The following ABHD10 variants were observed in gnomAD, a reference collection of about 807,000 sequenced individuals.
ABHD10 encodes palmitoyl-protein thioesterase ABHD10, mitochondrial.
In ABHD10, 22 loss-of-function variants were observed where a neutral mutation model predicts 33.1. The observed-to-expected ratio is 0.66, with a 90% CI of 0.47 to 0.95. ABHD10 has a LOEUF of 0.95. Among genes scored for constraint, ABHD10 ranks in the 40% least tolerant of loss-of-function variants. The probability of loss-of-function intolerance (pLI) is 0.00; values close to 1 mark genes in which losing one functional copy is unlikely to be tolerated. For missense variants in ABHD10, 352 were observed against 379.9 expected (o/e 0.93, Z 0.61); for synonymous variants, 146 against 133.9 (o/e 1.09, Z -0.62).
At chr3:111,984,802 C>A (rs1410307139) in intron 2 of ABHD10, among the ~76,000 whole-genome samples, 5 of 152,116 alleles carry the variant, frequency 3.3e-5, no homozygotes, top group Non-Finnish European at 7.4e-5. Context: ...CTGTGATAGT[C>A]TAGGTCTAAG....
rs1647508008 is a variant in ABHD10 at position 111,992,175 on chromosome 3, A to C, written c.*454A>C. ...AAATTTGAAATGATGGAGAAATTTC[A>C]GAAGCATAATAAAGTTCACAATAAG... is the stretch of plus-strand genomic sequence containing the variant. On this transcript the variant is annotated 3_prime_UTR_variant, in exon 5 of 5. Coordinates refer to ENST00000273359, the MANE Select transcript of ABHD10 (RefSeq NM_018394.4). The C allele has an allele frequency of 6.5e-6, 1 of 153,644 alleles. No individual in the cohort carries two copies. 9.5% of individuals were successfully genotyped at this position (153,644 alleles called of 1,614,324 possible).
intron 1 of ABHD10, among the ~76,000 whole-genome samples, chr3:111,979,927 A>T (rs2072559085): frequency 6.6e-6 from 1 of 152,242 alleles, no homozygotes; most frequent in Non-Finnish European, 1.5e-5. Flanking sequence ...AAACTTTTAT[A>T]ATCAGATTAA....
Position 111,979,191 on chromosome 3 carries a change from C to T in ABHD10, c.130C>T (p.Arg44Trp). 6.2e-7 allele frequency: 1 copy of T among 1,604,190 alleles called. No individual in the cohort carries two copies. Among genetic ancestry groups the T allele is most frequent in the Non-Finnish European group, 8.5e-7 (1 of 1,173,546 alleles). ...LLARIPQRAP[R>W]WLPACRQKTS... ...TGCACGGATACCTCAGCGGGCGCCACGGTGGCTCCCAGGTCAGTGTCCGAA... is the reference window on the plus strand; with the variant it reads ...TGCACGGATACCTCAGCGGGCGCCATGGTGGCTCCCAGGTCAGTGTCCGAA... Residue 44 changes from arginine (R) to tryptophan (W), a missense_variant, in exon 1 of 5, where the codon CGG becomes TGG. Physicochemically the swap from Arg to Trp is moderately radical, Grantham distance 101. Transcript: ENST00000273359.
intron 4 of ABHD10, chr3:111,990,616 A>G (rs986483550): frequency 1.6e-5 from 8 of 495,874 alleles, no homozygotes; most frequent in African/African-American, 1.4e-4. Flanking sequence ...ATAAATATAC[A>G]GATATTATTG....
chr3:111,983,998 G>A (rs530721055), intron 2 of ABHD10, among the ~76,000 whole-genome samples: 2 of 152,160 alleles, frequency 1.3e-5, no homozygotes, highest in South Asian at 2.1e-4. Context: ...GTATCACCAA[G>A]TATTTATATT....
Position 111,991,639 on chromosome 3 carries a change from G to T in ABHD10, c.839G>T (p.Arg280Leu), listed in dbSNP as rs761023898. ...ATCCTCCGAAAACACAGTGATCACCGAATGAGGGAAAAAGCAGACATTCAA... is the reference window on the plus strand; with the variant it reads ...ATCCTCCGAAAACACAGTGATCACCTAATGAGGGAAAAAGCAGACATTCAA... Reference protein sequence around the residue: ...DVILRKHSDHRMREKADIQLL... With the variant: ...DVILRKHSDHLMREKADIQLL... The change falls in exon 5 of 5, where the codon CGA becomes CTA. Residue 280 changes from arginine to leucine, a missense_variant. Arg to Leu is a moderately radical substitution (Grantham distance 102, BLOSUM62 -2). Coordinates refer to ENST00000273359, the MANE Select transcript of ABHD10 (RefSeq NM_018394.4). 1 of 1,613,804 alleles carries T rather than the reference G, an allele frequency of 6.2e-7. No individual in the cohort carries two copies. The highest frequency in any genetic ancestry group is 1.7e-5 in the Admixed American group (1 of 59,950).
Position 111,992,716 on chromosome 3 carries a change from GACA to G in ABHD10, c.*999_*1001del, listed in dbSNP as rs1164408526. The stretch of plus-strand genomic sequence containing the variant: ...TATTATCTGTCAAACCTTTTAAGTT[GACA>G]ACATGACTCATATATATACATGTGT... On this transcript the variant is annotated 3_prime_UTR_variant, in exon 5 of 5. Coordinates refer to ENST00000273359, the MANE Select transcript of ABHD10 (RefSeq NM_018394.4). The G allele has an allele frequency of 6.6e-6, 1 of 151,966 alleles. No homozygotes were observed. The highest frequency in any genetic ancestry group is 1.5e-5 in the Non-Finnish European group (1 of 68,020). 9.4% of individuals were successfully genotyped at this position (151,966 alleles called of 1,614,324 possible). A position where few individuals can be genotyped will look rare whatever the true frequency, so the allele number is the denominator to read the frequency against.
intron 1 of ABHD10, among the ~76,000 whole-genome samples, chr3:111,979,624 T>C (rs1045489869): frequency 2.0e-5 from 3 of 152,244 alleles, no homozygotes; most frequent in Non-Finnish European, 4.4e-5. Flanking sequence ...GGCATGTTCT[T>C]TGTAAAAGTG....
intron 2 of ABHD10, 106 bp from the exon 3 acceptor site, chr3:111,986,144 ATATTGATTGTGATG>A: frequency 1.7e-6 from 1 of 573,560 alleles, no homozygotes; most frequent in Non-Finnish European, 3.0e-6. Context: ...GCTAAAATAC[ATATTGATTGTGATG>A]TTTCACTATA....
intron 1 of ABHD10, among the ~76,000 whole-genome samples, chr3:111,980,281 G>T (rs1487114371): frequency 1.3e-5 from 2 of 152,056 alleles, no homozygotes; most frequent in African/African-American, 4.8e-5. Flanking sequence ...AGCATAACTG[G>T]TCCTTACCAA....
chr3:111,986,731 G>A (rs528970971), intron 3 of ABHD10, among the ~76,000 whole-genome samples, 183 bp from the exon 4 acceptor site: 186 of 152,232 alleles, frequency 1.2e-3, no homozygotes, highest in Admixed American at 3.1e-3. Flanking sequence ...CACCACACCC[G>A]GCCTAAGCTG....
chr3:111,991,893 C>T lies in ABHD10; in HGVS notation c.*172C>T. 1.9e-6 allele frequency: 1 copy of T among 519,804 alleles called. No homozygotes were observed. The highest frequency in any genetic ancestry group is 3.2e-6 in the Non-Finnish European group (1 of 312,826). The allele number at this position is 519,804 out of a possible 1,614,324, so 32.2% of individuals were successfully genotyped here. Reference sequence around the variant, plus strand: ...AGTAATGCAAATTGTGAAGAAGGACCAGCTGCTGTTTAGAAAATTTTCTCC... The same window carrying T: ...AGTAATGCAAATTGTGAAGAAGGACTAGCTGCTGTTTAGAAAATTTTCTCC... On this transcript the variant is annotated 3_prime_UTR_variant, in exon 5 of 5. Transcript: ENST00000273359.
intron 4 of ABHD10, among the ~76,000 whole-genome samples, chr3:111,988,495 A>G (rs7640809): frequency 0.21 from 31,543 of 152,044 alleles, 3,385 homozygotes; most frequent in Middle Eastern, 0.28. Context: ...TCAAAGACAT[A>G]GCAGATTGAA....
chr3:111,980,189 T>C (rs962625426), intron 1 of ABHD10, among the ~76,000 whole-genome samples: 15 of 152,244 alleles, frequency 9.9e-5, no homozygotes, highest in African/African-American at 3.1e-4. Context: ...AATTATGTTT[T>C]AAGAGGTGAT....
At chr3:111,986,875 ATCTT>A in intron 3 of ABHD10, 35 bp from the exon 4 acceptor site, 1 of 1,513,186 alleles carries the variant, frequency 6.6e-7, no homozygotes, top group African/African-American at 1.4e-5. Context: ...AACCTGTTCT[ATCTT>A]AAAGACCTAA....
Position 111,991,728 on chromosome 3 carries a change from A to T in ABHD10, c.*7A>T, listed in dbSNP as rs369455580. 20 of 1,591,696 alleles carry T rather than the reference A, an allele frequency of 1.3e-5. No individual in the cohort carries two copies. In the African/African-American group the frequency reaches 2.7e-4, roughly 21 times the overall value. Reference sequence around the variant, plus strand: ...CTCAACTATAGTTAACTAGTATCACATGTTTAGTTGGTATGTAAACTAATG... The same window carrying T: ...CTCAACTATAGTTAACTAGTATCACTTGTTTAGTTGGTATGTAAACTAATG... On this transcript the variant is annotated 3_prime_UTR_variant, in exon 5 of 5. Transcript: ENST00000273359.
intron 2 of ABHD10, among the ~76,000 whole-genome samples, chr3:111,982,531 G>A (rs1221001060): frequency 7.0e-4 from 106 of 152,224 alleles, no homozygotes; most frequent in African/African-American, 2.4e-3. Context: ...AGGTCTACCT[G>A]TAGCAGTTAT....
At chr3:111,980,281 G>A (rs1487114371) in intron 1 of ABHD10, among the ~76,000 whole-genome samples, 1 of 152,056 alleles carries the variant, frequency 6.6e-6, no homozygotes, top group African/African-American at 2.4e-5. Flanking sequence ...AGCATAACTG[G>A]TCCTTACCAA....
intron 2 of ABHD10, among the ~76,000 whole-genome samples, chr3:111,983,828 G>T (rs2072618265): frequency 6.6e-6 from 1 of 152,118 alleles, no homozygotes; most frequent in Non-Finnish European, 1.5e-5. Context: ...ATTTGTAATA[G>T]AATTTTTATT....
Sources: gnomAD v4.1 joint callset for allele counts (sites outside exome capture counted in the v4.1 genomes callset) on GRCh38, gnomAD v4.1.1 for gene constraint, MANE v1.5 for transcripts, NCBI Gene and HGNC (gene_info 2026-07-23, HGNC 2026-07-21) for gene names.